ZFYVE9: variants seen among roughly 807,000 people sequenced by gnomAD.
ZFYVE9 encodes the protein zinc finger FYVE-type containing 9, also known as zinc finger FYVE domain-containing protein 9.
ZFYVE9 carries 43 observed loss-of-function variants against 126.7 expected under a neutral mutation model. The ratio of observed to expected loss-of-function variants is 0.34; its 90% CI spans 0.27 to 0.44. The LOEUF (loss-of-function observed/expected upper bound fraction) is 0.44. Ranked by LOEUF, ZFYVE9 falls within the 20% of genes least tolerant of loss-of-function variation. The pLI, the probability that ZFYVE9 is intolerant of heterozygous loss-of-function variation, is 1.00. For synonymous variants in ZFYVE9, 521 were observed against 597.4 expected (o/e 0.87, Z 1.87); for missense variants, 1,476 against 1,697.0 (o/e 0.87, Z 2.29).
At chr1:52,227,463 G>T (rs1645180979) in intron 2 of ZFYVE9, among the ~76,000 whole-genome samples, 1 of 152,206 alleles carries the variant, frequency 6.6e-6, no homozygotes, top group Admixed American at 6.5e-5. Flanking sequence ...CAGCTGTGAT[G>T]TCACAGTCCA....
At chr1:52,276,867 A>C (rs138839828) in intron 8 of ZFYVE9, among the ~76,000 whole-genome samples, 99 of 152,334 alleles carry the variant, frequency 6.5e-4, no homozygotes, top group African/African-American at 2.3e-3. Flanking sequence ...TTTCACTTAG[A>C]CTATGAAATT....
intron 1 of ZFYVE9, among the ~76,000 whole-genome samples, chr1:52,151,905 T>G (rs981043894): frequency 2.6e-5 from 4 of 152,186 alleles, no homozygotes; most frequent in Non-Finnish European, 5.9e-5. Context: ...TATATATCCC[T>G]TAGGTAGAAG....
chr1:52,161,606 G>A (rs1175992289), intron 1 of ZFYVE9, among the ~76,000 whole-genome samples: 1 of 152,146 alleles, frequency 6.6e-6, no homozygotes, highest in Non-Finnish European at 1.5e-5. Context: ...TTTAAGAGAT[G>A]TATTTTAAAT....
At chr1:52,164,429 G>A (rs2124515991) in intron 1 of ZFYVE9, among the ~76,000 whole-genome samples, 1 of 151,992 alleles carries the variant, frequency 6.6e-6, no homozygotes, top group Non-Finnish European at 1.5e-5. Flanking sequence ...GGCCAGTCTG[G>A]TCTTGAACTC....
At chr1:52,236,954 T>A (rs1327177120) in intron 3 of ZFYVE9, among the ~76,000 whole-genome samples, 1 of 152,162 alleles carries the variant, frequency 6.6e-6, no homozygotes, top group Non-Finnish European at 1.5e-5. Flanking sequence ...TTATTTTTTT[T>A]AACAGCTTTT....
chr1:52,343,019 G>C (rs1054300166), intron 17 of ZFYVE9, among the ~76,000 whole-genome samples: 1 of 151,638 alleles, frequency 6.6e-6, no homozygotes, highest in Non-Finnish European at 1.5e-5. Flanking sequence ...CCATTCTCCT[G>C]CCTCAGCCTC....
chr1:52,165,602 A>G (rs536685684), intron 1 of ZFYVE9, among the ~76,000 whole-genome samples: 1 of 152,276 alleles, frequency 6.6e-6, no homozygotes, highest in African/African-American at 2.4e-5. Flanking sequence ...TATGGGATGT[A>G]TGTATCTGAA....
At chr1:52,304,098 A>G (rs1381284261) in intron 13 of ZFYVE9, among the ~76,000 whole-genome samples, 173 bp downstream of exon 13, 7 of 152,162 alleles carry the variant, frequency 4.6e-5, no homozygotes, top group Admixed American at 1.3e-4. Flanking sequence ...CAAGATGTCA[A>G]ATTTCTGACC....
At chr1:52,254,393 AAAG>A (rs1645482925) in intron 4 of ZFYVE9, among the ~76,000 whole-genome samples, 1 of 151,178 alleles carries the variant, frequency 6.6e-6, no homozygotes, top group Non-Finnish European at 1.5e-5. Context: ...AAAAAAAAAA[AAAG>A]CCATATGTGT....
intron 1 of ZFYVE9, among the ~76,000 whole-genome samples, chr1:52,151,495 A>G (rs1417941621): frequency 4.0e-5 from 6 of 150,460 alleles, no homozygotes; most frequent in Non-Finnish European, 8.9e-5. Flanking sequence ...TCCTGTGTCT[A>G]TGTGTGTGTG....
intron 1 of ZFYVE9, among the ~76,000 whole-genome samples, chr1:52,175,822 C>T (rs538408501): frequency 6.6e-6 from 1 of 152,338 alleles, no homozygotes; most frequent in Admixed American, 6.5e-5. Flanking sequence ...CTGCATTCTT[C>T]ACGTAGTTCT....
At chr1:52,154,117 G>T (rs1483463394) in intron 1 of ZFYVE9, among the ~76,000 whole-genome samples, 1 of 152,186 alleles carries the variant, frequency 6.6e-6, no homozygotes, top group Non-Finnish European at 1.5e-5. Flanking sequence ...GATTCCCTTG[G>T]CTGGATTCCA....
chr1:52,209,469 TCCCTACCCATTAGTA>T (rs1279121665), intron 1 of ZFYVE9, among the ~76,000 whole-genome samples: 1 of 151,920 alleles, frequency 6.6e-6, no homozygotes. Flanking sequence ...CCCCAAAAAC[TCCCTACCCATTAGTA>T]GTCACACGCC....
intron 1 of ZFYVE9, among the ~76,000 whole-genome samples, chr1:52,187,072 A>G (rs1421687901): frequency 1.3e-5 from 2 of 152,154 alleles, no homozygotes; most frequent in African/African-American, 2.4e-5. Flanking sequence ...AAACTATACT[A>G]CAGTGCTACA....
intron 1 of ZFYVE9, among the ~76,000 whole-genome samples, chr1:52,153,625 A>G (rs1226714732): frequency 6.6e-6 from 1 of 152,164 alleles, no homozygotes; most frequent in African/African-American, 2.4e-5. Context: ...ATGAGGGTTA[A>G]TTAATCTTGC....
rs543840004 is a variant in ZFYVE9 at position 52,209,932 on chromosome 1, G to A, written c.-142-6437G>A. Among the ~76,000 whole-genome samples, 71 of 152,294 alleles carry A rather than the reference G, an allele frequency of 4.7e-4. 1 individual carries two copies. The highest frequency in any genetic ancestry group is 1.6e-3 in the African/African-American group (66 of 41,556). ...GATTTGGGTTTTGTATTTGTGTGGA[G>A]AATAGGCTAGATGGGTACAAAACAG... is the stretch of plus-strand genomic sequence containing the variant. On this transcript the variant is annotated intron_variant, in intron 1 of 18. Transcript: ENST00000287727.
At chr1:52,320,292 A>T (rs960406994) in intron 13 of ZFYVE9, among the ~76,000 whole-genome samples, 1 of 151,832 alleles carries the variant, frequency 6.6e-6, no homozygotes, top group African/African-American at 2.4e-5. Context: ...CTGGTCTCGA[A>T]CTCCTGACCT....
chr1:52,311,419 C>CA (rs1186496974), intron 13 of ZFYVE9, among the ~76,000 whole-genome samples: 1 of 152,172 alleles, frequency 6.6e-6, no homozygotes, highest in East Asian at 1.9e-4. Flanking sequence ...CGTGCACCAC[C>CA]ACGCCCAGCT....
At chr1:52,209,793 G>A (rs540288890) in intron 1 of ZFYVE9, among the ~76,000 whole-genome samples, 2 of 152,230 alleles carry the variant, frequency 1.3e-5, no homozygotes, top group East Asian at 3.9e-4. Flanking sequence ...GAAGTAAGCA[G>A]AAACCAAATC....
Sources: allele counts gnomAD v4.1 joint callset (sites outside exome capture counted in the v4.1 genomes callset), GRCh38; gene constraint gnomAD v4.1.1; transcripts MANE v1.5; gene names NCBI Gene and HGNC (gene_info 2026-07-23, HGNC 2026-07-21).